Variants in ABCC6 observed in about 807,000 individuals in gnomAD.
The protein encoded by ABCC6 is ATP-binding cassette sub-family C member 6.
In ABCC6, 126 loss-of-function variants were observed where a neutral mutation model predicts 169.5. The observed-to-expected ratio is 0.74, with a 90% CI of 0.64 to 0.86. ABCC6 has a LOEUF of 0.86. ABCC6 is among the 40% of genes least tolerant of loss of function. The pLI is 0.00. For synonymous variants in ABCC6, 752 were observed against 814.7 expected (o/e 0.92, Z 1.31); for missense variants, 1,733 against 1,927.2 (o/e 0.90, Z 1.89).
intron 7 of ABCC6, among the ~76,000 whole-genome samples, chr16:16,206,868 A>T (rs1418773316): frequency 1.3e-5 from 2 of 151,922 alleles, no homozygotes; most frequent in African/African-American, 2.4e-5. Context: ...CAGGTGCAGT[A>T]GCTCACATCT....
chr16:16,204,093 G>A (rs1351454892), intron 7 of ABCC6, among the ~76,000 whole-genome samples: 1 of 146,710 alleles, frequency 6.8e-6, no homozygotes, highest in East Asian at 2.0e-4. Flanking sequence ...GTCTTGCTCT[G>A]TCGCCCAGGC....
chr16:16,164,747 C>T (rs1220323677), intron 23 of ABCC6, among the ~76,000 whole-genome samples: 5 of 152,112 alleles, frequency 3.3e-5, no homozygotes, highest in East Asian at 1.9e-4. Context: ...ATTCATGGGC[C>T]GACCCACATA....
In ABCC6 at chr16:16,157,692, C is replaced by T. The variant is rs141731889; in HGVS notation, c.3853G>A (p.Val1285Met). 59 of 1,613,952 alleles carry T rather than the reference C, an allele frequency of 3.7e-5. No individual in the cohort carries two copies. Among genetic ancestry groups the T allele is most frequent in the Admixed American group, 2.3e-4 (14 of 60,002 alleles). The change falls in exon 27 of 31, where the codon GTG (valine) becomes ATG (methionine). Residue 1285 changes from valine (V) to methionine (M), a missense_variant. Val to Met is a conservative substitution (Grantham distance 21). This residue lies in a region of ABCC6 where 1,601 missense variants were observed against 1,635.5 expected (regional missense o/e 0.98). Transcript: ENST00000205557. ...TCTCCTGCGTGGATCTTGAAGGACA[C>T]GCCCTGCACAGCCAGCGGGAGCTCA... ...RPELPLAVQG[V>M]SFKIHAGEKV...
Position 16,194,136 on chromosome 16 carries a change from T to A in ABCC6, c.1339-1214A>T, listed in dbSNP as rs147398129. On this transcript the variant is annotated intron_variant, in intron 10 of 30. Coordinates refer to ENST00000205557, the MANE Select transcript of ABCC6 (RefSeq NM_001171.6). ...CTGGTTCAAATCCTGACCCTGAGAG[T>A]TTTGAGTGTGGCCTTGGGGCAAGTC... Among the ~76,000 whole-genome samples the A allele has an allele frequency of 9.8e-5, 15 of 152,330 alleles. No homozygotes were observed. The East Asian group carries it at 2.9e-3, about 29-fold the overall frequency.
In ABCC6 at chr16:16,208,056, T is replaced by C. The variant is rs550109043; in HGVS notation, c.794+672A>G. On this transcript the variant is annotated intron_variant, in intron 7 of 30. Transcript: ENST00000205557. ...GAAAACTGAGGCCCAGGAAAGGAAT[T>C]GCTCAGGTTATATAGTAAGTGAGCA... Among the ~76,000 whole-genome samples the C allele has an allele frequency of 3.5e-3, 530 of 152,228 alleles. 7 individuals carry two copies. Among genetic ancestry groups the C allele is most frequent in the African/African-American group, 0.012 (504 of 41,520 alleles).
intron 27 of ABCC6, among the ~76,000 whole-genome samples, chr16:16,156,176 A>G (rs756174453): frequency 2.0e-5 from 3 of 152,184 alleles, no homozygotes; most frequent in African/African-American, 7.2e-5. Context: ...TTGGCCTCCT[A>G]AAGTGCTGGG....
At chr16:16,154,522 A>T in intron 29 of ABCC6, 106 bp downstream of exon 29, 2 of 1,380,740 alleles carry the variant, frequency 1.4e-6, no homozygotes, top group Non-Finnish European at 2.0e-6. Context: ...AATGTAACAG[A>T]GTGATAATCC....
intron 6 of ABCC6, among the ~76,000 whole-genome samples, chr16:16,211,887 G>A (rs72664292): frequency 6.6e-6 from 1 of 151,350 alleles, no homozygotes; most frequent in African/African-American, 2.4e-5. Context: ...AGCACTTTCC[G>A]TCTCATGCAG....
Position 16,154,939 on chromosome 16 carries a change from G to C in ABCC6, c.3975C>G (p.Ile1325Met). 1 of 1,597,720 alleles carries C rather than the reference G, an allele frequency of 6.3e-7. No homozygotes were observed. Among genetic ancestry groups the C allele is most frequent in the Non-Finnish European group, 8.5e-7 (1 of 1,172,424 alleles). Reference protein sequence around the residue: ...LQEAAEGGIWIDGVPIAHVGL... With the variant: ...LQEAAEGGIWMDGVPIAHVGL... The stretch of plus-strand genomic sequence containing the variant: ...CCACGTGGGCAATGGGGACCCCGTC[G>C]ATCCAGATCCCACCCTCAGCTGCCT... Residue 1325 changes from isoleucine to methionine, a missense_variant, in exon 28 of 31, where the codon ATC (isoleucine) becomes ATG (methionine). This residue lies in a region of ABCC6 where 1,601 missense variants were observed against 1,635.5 expected (regional missense o/e 0.98). Transcript: ENST00000205557.
intron 8 of ABCC6, 69 bp downstream of exon 8, chr16:16,203,341 C>T (rs1225122369): frequency 6.2e-7 from 1 of 1,607,252 alleles, no homozygotes; most frequent in South Asian, 1.1e-5. Context: ...AGCTGAAGCC[C>T]CCTGGCCCTG....
At chr16:16,153,050 G>A (rs752008260) in intron 29 of ABCC6, among the ~76,000 whole-genome samples, 21 of 151,968 alleles carry the variant, frequency 1.4e-4, no homozygotes, top group Non-Finnish European at 2.4e-4. Flanking sequence ...GATTACAGGC[G>A]CCTGCCGCCA....
At chr16:16,162,419 G>T (rs1449763945) in intron 24 of ABCC6, among the ~76,000 whole-genome samples, 1 of 152,198 alleles carries the variant, frequency 6.6e-6, no homozygotes, top group East Asian at 1.9e-4. Context: ...CTATAGAACA[G>T]TTTCTTCCTG....
At chr16:16,166,457 A>AC (rs2046876947) in intron 22 of ABCC6, among the ~76,000 whole-genome samples, 1 of 151,920 alleles carries the variant, frequency 6.6e-6, no homozygotes, top group East Asian at 1.9e-4. Flanking sequence ...GAGGATACTC[A>AC]GAGACACAGC....
Position 16,161,493 on chromosome 16 carries a change from C to G in ABCC6, c.3578G>C (p.Ser1193Thr). The G allele has an allele frequency of 6.2e-7, 1 of 1,614,008 alleles. No individual in the cohort carries two copies. Among genetic ancestry groups the G allele is most frequent in the Non-Finnish European group, 8.5e-7 (1 of 1,180,046 alleles). ...GAGGCCAGCACTGAGGTGGGCTTTGCTCAGCACAGCACACGTGGCAGCTGC... is the reference window on the plus strand; with the variant it reads ...GAGGCCAGCACTGAGGTGGGCTTTGGTCAGCACAGCACACGTGGCAGCTGC... The part of the protein sequence containing the change: ...VFAAATCAVL[S>T]KAHLSAGLVG... Residue 1193 changes from serine to threonine, a missense_variant, in exon 25 of 31, where the codon AGC (serine) becomes ACC (threonine). Transcript: ENST00000205557.
chr16:16,182,497 C>T lies in ABCC6; in HGVS notation c.2162G>A (p.Trp721Ter), dbSNP rs72650701. Residue 721 changes from tryptophan (W) to a stop codon, truncating the protein, a stop_gained, in exon 17 of 31, where the codon TGG (tryptophan) becomes TAG (stop). Transcript: ENST00000205557. LOFTEE classifies it high-confidence loss of function. Reference protein sequence around the residue: ...VCFGQELDPPWLERVLEACAL... With the variant: ...VCFGQELDPP ...ACAGGCTTCTAGTACTCTCTCCAGC[C>T]AGGGTGGGTCCAGCTCCTGCCCGAA... The T allele has an allele frequency of 6.2e-7, 1 of 1,614,192 alleles. No individual in the cohort carries two copies. The highest frequency in any genetic ancestry group is 8.5e-7 in the Non-Finnish European group (1 of 1,180,028).
At chr16:16,191,581 C>T (rs1442708185) in intron 11 of ABCC6, among the ~76,000 whole-genome samples, 3 of 151,788 alleles carry the variant, frequency 2.0e-5, no homozygotes, top group Non-Finnish European at 4.4e-5. Flanking sequence ...TCTTTCCCGC[C>T]TTTTCTTTCC....
At chr16:16,184,742 G>A (rs547929068) in intron 15 of ABCC6, among the ~76,000 whole-genome samples, 129 of 152,142 alleles carry the variant, frequency 8.5e-4, no homozygotes, top group African/African-American at 9.4e-4. Flanking sequence ...CCTGGTCCCC[G>A]TCTGCAGGAG....
chr16:16,161,188 A>G (rs2046704663), intron 25 of ABCC6, among the ~76,000 whole-genome samples: 1 of 152,236 alleles, frequency 6.6e-6, no homozygotes, highest in Non-Finnish European at 1.5e-5. Flanking sequence ...TAACATCAGA[A>G]GTAGTGGGAT....
At chr16:16,153,890 C>T (rs1664691388) in intron 29 of ABCC6, among the ~76,000 whole-genome samples, 1 of 148,988 alleles carries the variant, frequency 6.7e-6, no homozygotes, top group African/African-American at 2.5e-5. Flanking sequence ...AATGACAGAG[C>T]CAGACCCTGT....
Sources: allele counts gnomAD v4.1 joint callset (sites outside exome capture counted in the v4.1 genomes callset), GRCh38; gene constraint gnomAD v4.1.1; regional missense constraint gnomAD v4.1.1; transcripts MANE v1.5; gene names NCBI Gene and HGNC (gene_info 2026-07-23, HGNC 2026-07-21).